The following MYO5A variants were observed in gnomAD, a reference collection of about 807,000 sequenced individuals.
MYO5A encodes the protein unconventional myosin-Va.
A neutral mutation model predicts 249.7 loss-of-function variants in MYO5A; 98 were observed. That is an observed-to-expected ratio of 0.39 (90% CI 0.33 to 0.46). MYO5A has a LOEUF of 0.46. Among genes scored for constraint, MYO5A ranks in the 20% least tolerant of loss-of-function variants. The pLI is 0.98. For missense variants in MYO5A, 1,696 were observed against 2,308.8 expected, an observed-to-expected ratio of 0.73 and a Z score of 5.44; for synonymous variants, 778 against 810.6, an observed-to-expected ratio of 0.96 and a Z score of 0.68.
intron 24 of MYO5A, among the ~76,000 whole-genome samples, chr15:52,363,713 T>C (rs1026777317): frequency 9.9e-5 from 15 of 152,172 alleles, no homozygotes; most frequent in Admixed American, 2.6e-4. Context: ...CTGGTACTTG[T>C]AGGGATGCTT....
chr15:52,321,565 T>A, intron 37 of MYO5A, 56 bp from the exon 38 acceptor site: 1 of 1,576,176 alleles, frequency 6.3e-7, no homozygotes, highest in Non-Finnish European at 8.7e-7. Context: ...CTCTTCAGTT[T>A]AACTATCTCC....
At chr15:52,317,297 G>A (rs1407527328) in intron 39 of MYO5A, 75 bp from the exon 40 acceptor site, 36 of 1,402,930 alleles carry the variant, frequency 2.6e-5, no homozygotes, top group Admixed American at 5.4e-5. Flanking sequence ...TTTTGTGTGC[G>A]GCCTTGTCAG....
intron 1 of MYO5A, among the ~76,000 whole-genome samples, chr15:52,474,326 A>G (rs1639846180): frequency 6.6e-6 from 1 of 152,208 alleles, no homozygotes; most frequent in Non-Finnish European, 1.5e-5. Flanking sequence ...CAATCATGTC[A>G]TCTGCAAACA....
At chr15:52,327,284 T>G (rs2038655860) in intron 36 of MYO5A, among the ~76,000 whole-genome samples, 1 of 152,230 alleles carries the variant, frequency 6.6e-6, no homozygotes, top group Non-Finnish European at 1.5e-5. Context: ...TGAATAAAGT[T>G]AGTTTACTGC....
intron 1 of MYO5A, among the ~76,000 whole-genome samples, chr15:52,494,512 T>C (rs2076999165): frequency 6.6e-6 from 1 of 152,154 alleles, no homozygotes; most frequent in Admixed American, 6.5e-5. Context: ...TTTTTGTTTT[T>C]AATGGAGTTT....
intron 1 of MYO5A, among the ~76,000 whole-genome samples, 165 bp downstream of exon 1, chr15:52,528,615 C>T (rs28556791): frequency 0.028 from 4,288 of 152,334 alleles, 160 homozygotes; most frequent in African/African-American, 0.089. Context: ...AGGAAGGTGC[C>T]GCAGCGGGCG....
intron 1 of MYO5A, among the ~76,000 whole-genome samples, chr15:52,496,103 AAG>A (rs1032176418): frequency 1.8e-4 from 27 of 152,160 alleles, no homozygotes; most frequent in Non-Finnish European, 3.2e-4. Context: ...GAAAAAAAAA[AAG>A]AAAATTAATG....
chr15:52,329,978 TTTTC>T (rs1260671422), intron 35 of MYO5A, among the ~76,000 whole-genome samples: 1 of 147,154 alleles, frequency 6.8e-6, no homozygotes, highest in Non-Finnish European at 1.5e-5. Context: ...CTTGAGGGTT[TTTTC>T]TTTTTCTTTT....
At chr15:52,450,843 G>GTTTTTT (rs56842960) in intron 1 of MYO5A, among the ~76,000 whole-genome samples, 55 of 84,570 alleles carry the variant, frequency 6.5e-4, no homozygotes, top group African/African-American at 2.3e-3. Context: ...CACTACTGTG[G>GTTTTTT]TTTTTTTTTT....
intron 9 of MYO5A, among the ~76,000 whole-genome samples, chr15:52,402,803 T>C (rs1297293863): frequency 6.6e-6 from 1 of 151,796 alleles, no homozygotes; most frequent in Admixed American, 6.6e-5. Flanking sequence ...CAAGATCGCA[T>C]CACTGCACTC....
chr15:52,469,950 T>C (rs550609952), intron 1 of MYO5A, among the ~76,000 whole-genome samples: 1 of 152,336 alleles, frequency 6.6e-6, no homozygotes, highest in South Asian at 2.1e-4. Flanking sequence ...CTCCCCACCC[T>C]TTTTGCCACA....
chr15:52,516,375 GAGCCAC>G (rs1159700074), intron 1 of MYO5A, among the ~76,000 whole-genome samples: 1 of 152,174 alleles, frequency 6.6e-6, no homozygotes, highest in Non-Finnish European at 1.5e-5. Flanking sequence ...ACATTTGACT[GAGCCAC>G]AGTCTTTACA....
intron 1 of MYO5A, among the ~76,000 whole-genome samples, chr15:52,499,093 G>A (rs1164395249): frequency 6.6e-6 from 1 of 152,118 alleles, no homozygotes; most frequent in Non-Finnish European, 1.5e-5. Flanking sequence ...GCTTTTAGTG[G>A]CCCAAAGTAT....
chr15:52,528,943 G>C (rs930297727), upstream of MYO5A: 634 of 430,674 alleles, frequency 1.5e-3, 3 homozygotes, highest in Non-Finnish European at 1.9e-3. Context: ...GGAGGGCCGC[G>C]CGGGGCGGGG....
intron 1 of MYO5A, among the ~76,000 whole-genome samples, chr15:52,437,615 A>G (rs796871924): frequency 1.1e-3 from 155 of 137,876 alleles, no homozygotes; most frequent in African/African-American, 2.1e-3. Flanking sequence ...AAAAAAAAAA[A>G]AGAGAGAGAG....
intron 1 of MYO5A, among the ~76,000 whole-genome samples, chr15:52,520,615 CTT>C (rs1001748016): frequency 6.6e-6 from 1 of 152,196 alleles, no homozygotes; most frequent in Non-Finnish European, 1.5e-5. Flanking sequence ...ATAAACTCCT[CTT>C]TGGCTTTGAG....
intron 11 of MYO5A, among the ~76,000 whole-genome samples, chr15:52,394,013 G>A (rs1231666827): frequency 6.6e-6 from 1 of 152,110 alleles, no homozygotes; most frequent in Non-Finnish European, 1.5e-5. Context: ...AAGCTCCTGG[G>A]GTCTTTAAAA....
At chr15:52,366,996 G>T (rs780047459) in intron 23 of MYO5A, 35 bp downstream of exon 23, 1 of 1,502,044 alleles carries the variant, frequency 6.7e-7, no homozygotes, top group Non-Finnish European at 9.3e-7. Flanking sequence ...TTTGGTGTGA[G>T]GTTGGTTGGC....
At chr15:52,381,278 G>A (rs191626934) in intron 16 of MYO5A, among the ~76,000 whole-genome samples, 1 of 152,308 alleles carries the variant, frequency 6.6e-6, no homozygotes, top group East Asian at 1.9e-4. Flanking sequence ...GCTTCTTCCT[G>A]CTTCCCACTT....
Sources: gnomAD v4.1 joint callset for allele counts (sites outside exome capture counted in the v4.1 genomes callset) on GRCh38, gnomAD v4.1.1 for gene constraint, MANE v1.5 for transcripts, NCBI Gene and HGNC (gene_info 2026-07-23, HGNC 2026-07-21) for gene names.